The following KHDC4 variants were observed in gnomAD, a reference collection of about 807,000 sequenced individuals.
KHDC4 encodes the protein KH domain containing 4, pre-mRNA splicing factor.
KHDC4 carries 19 observed loss-of-function variants against 74.5 expected under a neutral mutation model. That is an observed-to-expected ratio of 0.26 (90% CI 0.18 to 0.37). KHDC4 has a LOEUF of 0.37. Ranked by LOEUF, KHDC4 falls within the 10% of genes least tolerant of loss-of-function variation. KHDC4 has a pLI of 1.00. For missense variants in KHDC4, 632 were observed against 754.1 expected (o/e 0.84, Z 1.90); for synonymous variants, 253 against 266.1 (o/e 0.95, Z 0.48).
chr1:155,934,375 G>C lies in KHDC4; in HGVS notation c.-2C>G. On this transcript the variant is annotated 5_prime_UTR_variant, in exon 1 of 14. Coordinates refer to ENST00000368321, the MANE Select transcript of KHDC4 (RefSeq NM_014949.4). ...ATGTGTCGCGCTCCCCGCGGACATG[G>C]CGACCGCTTCTACTCAACCACCCGC... 1 of 1,611,852 alleles carries C rather than the reference G, an allele frequency of 6.2e-7. No individual in the cohort carries two copies. Among genetic ancestry groups the C allele is most frequent in the Non-Finnish European group, 8.5e-7 (1 of 1,179,910 alleles).
chr1:155,924,753 TAGGAGAGTC>T lies in KHDC4; in HGVS notation c.893+870_893+878del, dbSNP rs1673946759. 2.0e-5 allele frequency among the ~76,000 whole-genome samples: 3 copies of T among 151,844 alleles called. No homozygotes were observed. In the South Asian group the frequency reaches 6.2e-4, roughly 32 times the overall value. On this transcript the variant is annotated intron_variant, in intron 7 of 13. Transcript: ENST00000368321. ...CACACCTGGCTAATTTTTATACTTT[TAGGAGAGTC>T]AGGGTTTCACCATGTTGGCCAGGGT...
chr1:155,934,194 T>C, intron 1 of KHDC4, 142 bp downstream of exon 1: 1 of 955,348 alleles, frequency 1.0e-6, no homozygotes, highest in Non-Finnish European at 1.5e-6. Context: ...GCCCCAGGCC[T>C]GCTCAAGATC....
At chr1:155,918,791 C>T (rs943252566) in intron 10 of KHDC4, among the ~76,000 whole-genome samples, 1 of 152,140 alleles carries the variant, frequency 6.6e-6, no homozygotes, top group Non-Finnish European at 1.5e-5. Context: ...ACACAGCTAA[C>T]GTTTACTGAC....
chr1:155,922,143 ATCTTTT>A lies in KHDC4; in HGVS notation c.955-231_955-226del, dbSNP rs1572008280. 3 of 254,140 alleles carry A rather than the reference ATCTTTT, an allele frequency of 1.2e-5. No homozygotes were observed. In the East Asian group the frequency reaches 3.1e-4, roughly 27 times the overall value. 15.7% of individuals were successfully genotyped at this position (254,140 alleles called of 1,614,324 possible). A position where few individuals can be genotyped will look rare whatever the true frequency, so the allele number is the denominator to read the frequency against. ...GTGGCGCGATCTTGTATCACTGCAAATCTTTTTTTTTTTTTTTTTTTTGAGACAGTC... is the reference window on the plus strand; with the variant it reads ...GTGGCGCGATCTTGTATCACTGCAAATTTTTTTTTTTTTTTTGAGACAGTC... On this transcript the variant is annotated intron_variant, in intron 8 of 13. Transcript: ENST00000368321.
intron 10 of KHDC4, among the ~76,000 whole-genome samples, chr1:155,918,975 T>TG (rs1184589665): frequency 1.3e-5 from 2 of 148,872 alleles, no homozygotes; most frequent in Non-Finnish European, 3.0e-5. Flanking sequence ...CTCCCAGTTT[T>TG]TTTTTTTTTT....
intron 10 of KHDC4, chr1:155,919,919 C>T (rs778117589): frequency 1.9e-5 from 9 of 486,464 alleles, no homozygotes; most frequent in Admixed American, 1.7e-4. Context: ...CACTGTGCAA[C>T]CCCCTTCAGT....
chr1:155,928,408 TG>T (rs1203850046), intron 4 of KHDC4, among the ~76,000 whole-genome samples: 1 of 151,964 alleles, frequency 6.6e-6, no homozygotes, highest in Non-Finnish European at 1.5e-5. Flanking sequence ...ATTCTTGGCT[TG>T]GGGTAGGAAT....
At chr1:155,917,864 T>A (rs779266089) in intron 10 of KHDC4, among the ~76,000 whole-genome samples, 192 bp from the exon 11 acceptor site, 6 of 152,208 alleles carry the variant, frequency 3.9e-5, no homozygotes, top group Admixed American at 2.0e-4. Context: ...TAGGGAAACA[T>A]GAAATTGACA....
In KHDC4 at chr1:155,926,714, A is replaced by G. The variant is rs1221528928; in HGVS notation, c.643T>C (p.Ser215Pro). Residue 215 changes from serine to proline, a missense_variant, in exon 6 of 14, where the codon TCT (serine) becomes CCT (proline). Physicochemically the swap from Ser to Pro is moderately conservative, Grantham distance 74. Coordinates refer to ENST00000368321, the MANE Select transcript of KHDC4 (RefSeq NM_014949.4). ...YHQPAPIAQL[S>P]PAVSQKPPFQ... is the part of the protein sequence containing the mutation. ...GGAGGCTTCTGGCTAACAGCTGGAG[A>G]CAACTGAGCGATGGGTGCTGGCTGG... The G allele has an allele frequency of 6.2e-7, 1 of 1,614,170 alleles. No individual in the cohort carries two copies. Among genetic ancestry groups the G allele is most frequent in the South Asian group, 1.1e-5 (1 of 91,088 alleles).
chr1:155,919,885 TTA>T, intron 10 of KHDC4: 2 of 271,530 alleles, frequency 7.4e-6, no homozygotes, highest in Non-Finnish European at 1.5e-5. Flanking sequence ...CAAATAAAAT[TTA>T]GTTCATAGCT....
chr1:155,921,322 C>G lies in KHDC4; in HGVS notation c.1266+53G>C, dbSNP rs1557967740. On this transcript the variant is annotated intron_variant, in intron 10 of 13. Coordinates refer to ENST00000368321, the MANE Select transcript of KHDC4 (RefSeq NM_014949.4). The stretch of plus-strand genomic sequence containing the variant: ...TGGAATACCACTACTTCCCCTCTTT[C>G]CCCAGTTTTTCCTAAATTCAGTAAT... The G allele has an allele frequency of 1.9e-6, 3 of 1,587,404 alleles. No individual in the cohort carries two copies. The East Asian group carries it at 6.7e-5, about 36-fold the overall frequency.
In KHDC4 at chr1:155,914,303, T is replaced by A. The variant is rs751292978; in HGVS notation, c.1663A>T (p.Met555Leu). 5.6e-6 allele frequency: 9 copies of A among 1,613,756 alleles called. No individual in the cohort carries two copies. The South Asian group carries it at 9.9e-5, about 18-fold the overall frequency. The change falls in exon 14 of 14, where the codon ATG (methionine) becomes TTG (leucine). Residue 555 changes from methionine to leucine, a missense_variant. By Grantham distance (15) the Met-to-Leu change is conservative (BLOSUM62 2). Coordinates refer to ENST00000368321, the MANE Select transcript of KHDC4 (RefSeq NM_014949.4). The stretch of plus-strand genomic sequence containing the variant: ...CCAAATCCCTTCTCTGTAGTTTTCA[T>A]CTTCTTGGCTGGATAATCTAGAATA... Reference protein sequence around the residue: ...TGSHDYPAKKMKTTEKGFGLV... With the variant: ...TGSHDYPAKKLKTTEKGFGLV...
intron 2 of KHDC4, among the ~76,000 whole-genome samples, chr1:155,931,871 T>C (rs930191874): frequency 1.3e-5 from 2 of 152,234 alleles, no homozygotes; most frequent in African/African-American, 4.8e-5. Context: ...TTCATTTACA[T>C]TATCATCTCA....
Position 155,934,409 on chromosome 1 carries a change from C to T in KHDC4, c.-36G>A. 2.5e-6 allele frequency: 4 copies of T among 1,608,090 alleles called. No individual in the cohort carries two copies. Among genetic ancestry groups the T allele is most frequent in the Non-Finnish European group, 3.4e-6 (4 of 1,177,172 alleles). Reference sequence around the variant, plus strand: ...TCTACTCAACCACCCGCCAACTATCCGACTACCACCTCTCGTCACTTCCGC... The same window carrying T: ...TCTACTCAACCACCCGCCAACTATCTGACTACCACCTCTCGTCACTTCCGC... On this transcript the variant is annotated 5_prime_UTR_variant, in exon 1 of 14. Coordinates refer to ENST00000368321, the MANE Select transcript of KHDC4 (RefSeq NM_014949.4).
intron 6 of KHDC4, 49 bp from the exon 7 acceptor site, chr1:155,925,892 T>C (rs776897195): frequency 1.4e-6 from 2 of 1,394,876 alleles, no homozygotes; most frequent in Non-Finnish European, 2.0e-6. Flanking sequence ...TATAATTAAA[T>C]CCTCAATCTT....
At chr1:155,931,384 T>C (rs201505954) in intron 2 of KHDC4, among the ~76,000 whole-genome samples, 6 of 151,684 alleles carry the variant, frequency 4.0e-5, no homozygotes, top group East Asian at 1.9e-4. Context: ...TCCCAGCACT[T>C]TGGGAGGCTG....
chr1:155,917,584 GGGGGCTGGGGCTGGGGCT>G lies in KHDC4; in HGVS notation c.1337_1354del (p.Gln446_Pro451del), dbSNP rs748700736. The G allele has an allele frequency of 9.3e-6, 15 of 1,604,628 alleles. 1 individual carries two copies. The highest frequency in any genetic ancestry group is 3.4e-5 in the Admixed American group (2 of 59,598). On this transcript the variant is annotated inframe_deletion, in exon 11 of 14. Coordinates refer to ENST00000368321, the MANE Select transcript of KHDC4 (RefSeq NM_014949.4). ...CTGTGCCTGGGGCTGACTTGGGAGT[GGGGGCTGGGGCTGGGGCT>G]GGGGCTGGGGGCCAGCAGGCAAGGC...
intron 10 of KHDC4, among the ~76,000 whole-genome samples, chr1:155,918,329 A>G (rs1435502516): frequency 6.6e-6 from 1 of 151,994 alleles, no homozygotes; most frequent in Non-Finnish European, 1.5e-5. Context: ...ACCTCTGCCT[A>G]CCAGGTTCAA....
At chr1:155,914,553 G>C in intron 13 of KHDC4, 3 of 386,352 alleles carry the variant, frequency 7.8e-6, no homozygotes, top group Non-Finnish European at 1.4e-5. Context: ...AAAGAAAAAA[G>C]AAACACAAAA....
Sources: allele counts gnomAD v4.1 joint callset (sites outside exome capture counted in the v4.1 genomes callset), GRCh38; gene constraint gnomAD v4.1.1; transcripts MANE v1.5; gene names NCBI Gene and HGNC (gene_info 2026-07-23, HGNC 2026-07-21).